TLDC2: variants seen among roughly 807,000 people sequenced by gnomAD.
TLDC2 encodes the protein TBC/LysM-associated domain containing 2.
TLDC2 carries 23 observed loss-of-function variants against 27.9 expected under a neutral mutation model. The ratio of observed to expected loss-of-function variants is 0.82; its 90% CI spans 0.59 to 1.17. The LOEUF (loss-of-function observed/expected upper bound fraction) is 1.17, where lower values mean the gene tolerates loss of function less well. Ranked by LOEUF, TLDC2 falls within the 50% of genes most tolerant of loss-of-function variation. TLDC2 has a pLI of 0.00. For synonymous variants in TLDC2, 124 were observed against 107.4 expected (o/e 1.16, Z -0.96); for missense variants, 286 against 273.4 (o/e 1.05, Z -0.32).
Position 36,880,707 on chromosome 20 carries a change from G to A in TLDC2, c.395G>A (p.Gly132Asp), listed in dbSNP as rs1989794836. Reference protein sequence around the residue: ...SAIRLSKGFYGTGETFLFSFS... With the variant: ...SAIRLSKGFYDTGETFLFSFS... ...ATCCGACTCAGCAAAGGCTTCTATGGTACTGGCGAGACATTCCTCTTCTCC... is the reference window on the plus strand; with the variant it reads ...ATCCGACTCAGCAAAGGCTTCTATGATACTGGCGAGACATTCCTCTTCTCC... The change falls in exon 4 of 7, where the codon GGT becomes GAT. Residue 132 changes from glycine to aspartate, a missense_variant. By Grantham distance (94) the Gly-to-Asp change is moderately conservative. Transcript: ENST00000217320. 1 of 1,614,208 alleles carries A rather than the reference G, an allele frequency of 6.2e-7. No individual in the cohort carries two copies. The highest frequency in any genetic ancestry group is 1.3e-5 in the African/African-American group (1 of 75,060).
At chr20:36,880,091 A>ATATGTGTGTG (rs1555828580) in intron 3 of TLDC2, among the ~76,000 whole-genome samples, 28 of 44,688 alleles carry the variant, frequency 6.3e-4, no homozygotes, top group South Asian at 2.1e-3. Context: ...ATATATATAT[A>ATATGTGTGTG]TATATATATA....
chr20:36,886,644 T>C (rs1158375828), intron 4 of TLDC2, among the ~76,000 whole-genome samples: 1 of 152,004 alleles, frequency 6.6e-6, no homozygotes, highest in Non-Finnish European at 1.5e-5. Context: ...TCTTACTATG[T>C]TGCCTTGGTT....
chr20:36,878,652 G>T (rs1183196726), intron 2 of TLDC2, among the ~76,000 whole-genome samples: 2 of 152,054 alleles, frequency 1.3e-5, no homozygotes, highest in Non-Finnish European at 2.9e-5. Context: ...AAGCTGGAGA[G>T]GGGTGGGCGG....
At chr20:36,876,780 C>T (rs1989678994) in intron 1 of TLDC2, among the ~76,000 whole-genome samples, 2 of 152,132 alleles carry the variant, frequency 1.3e-5, no homozygotes, top group South Asian at 2.1e-4. Context: ...CTCACACACA[C>T]ACTCTGGTAC....
chr20:36,884,875 C>CTT (rs11480944), intron 4 of TLDC2, among the ~76,000 whole-genome samples: 3,408 of 103,230 alleles, frequency 0.033, 434 homozygotes, highest in African/African-American at 0.039. Flanking sequence ...CACAGAAATT[C>CTT]TTTTTTTTTT....
intron 2 of TLDC2, among the ~76,000 whole-genome samples, chr20:36,878,266 G>T (rs865989182): frequency 6.6e-6 from 1 of 152,124 alleles, no homozygotes; most frequent in Non-Finnish European, 1.5e-5. Flanking sequence ...TCTACACTGG[G>T]CCAGGAGGTT....
chr20:36,893,134 AAAG>A lies in TLDC2; in HGVS notation c.*291_*293del. ...GTTTCCATCATCTTATTTCTGAGTG[AAAG>A]TCTCAAGTGCGCACATCCTCATCTT... On this transcript the variant is annotated 3_prime_UTR_variant, in exon 7 of 7. Coordinates refer to ENST00000217320, the MANE Select transcript of TLDC2 (RefSeq NM_080628.3). The A allele has an allele frequency of 6.3e-7, 1 of 1,589,096 alleles. No individual in the cohort carries two copies. The highest frequency in any genetic ancestry group is 8.6e-7 in the Non-Finnish European group (1 of 1,166,730).
intron 5 of TLDC2, 112 bp from the exon 6 acceptor site, chr20:36,889,139 A>C: frequency 6.8e-7 from 1 of 1,478,512 alleles, no homozygotes. Flanking sequence ...GCGATAAGAC[A>C]GGTGAAACTG....
Position 36,893,208 on chromosome 20 carries a change from A to G in TLDC2, c.*364A>G, listed in dbSNP as rs1990123385. ...TGTCCTCAATCCAGGGAAACTCCAA[A>G]TTACATATGCCCTGTGCTTGGGGCA... is the stretch of plus-strand genomic sequence containing the variant. On this transcript the variant is annotated 3_prime_UTR_variant, in exon 7 of 7. Coordinates refer to ENST00000217320, the MANE Select transcript of TLDC2 (RefSeq NM_080628.3). The G allele has an allele frequency of 2.0e-6, 2 of 1,001,354 alleles. No homozygotes were observed. The highest frequency in any genetic ancestry group is 3.0e-6 in the Non-Finnish European group (2 of 660,982). The allele number at this position is 1,001,354 out of a possible 1,614,324, so 62.0% of individuals were successfully genotyped here.
In TLDC2 at chr20:36,877,902, A is replaced by C. The variant is rs747804433; in HGVS notation, c.37A>C (p.Ser13Arg). The part of the protein sequence containing the change: ...GLRWRYTRLP[S>R]QVEDTLSGEE... ...AGGCCACTTTGTGTTTTTGCAGCCC[A>C]GCCAGGTGGAGGACACCCTGTCTGG... Residue 13 changes from serine (S) to arginine (R), a missense_variant, in exon 2 of 7, where the codon AGC (serine) becomes CGC (arginine). By Grantham distance (110) the Ser-to-Arg change is moderately radical. Transcript: ENST00000217320. 1.9e-6 allele frequency: 3 copies of C among 1,612,180 alleles called. No homozygotes were observed. The Admixed American group carries it at 5.0e-5, about 27-fold the overall frequency.
chr20:36,882,713 T>C (rs1049610585), intron 4 of TLDC2, among the ~76,000 whole-genome samples: 2 of 152,280 alleles, frequency 1.3e-5, no homozygotes, highest in African/African-American at 4.8e-5. Flanking sequence ...ATATACCATA[T>C]CTATTGCATT....
chr20:36,885,440 C>T (rs1032925716), intron 4 of TLDC2, among the ~76,000 whole-genome samples: 4 of 152,170 alleles, frequency 2.6e-5, no homozygotes, highest in African/African-American at 9.7e-5. Context: ...ACTTGTATTC[C>T]TCATGAATTC....
intron 4 of TLDC2, among the ~76,000 whole-genome samples, chr20:36,884,753 C>A (rs1241770346): frequency 7.2e-6 from 1 of 139,038 alleles, no homozygotes; most frequent in African/African-American, 2.7e-5. Context: ...CAGAGCAAGA[C>A]CCTGTCTCTA....
chr20:36,886,281 C>T (rs1160186805), intron 4 of TLDC2, among the ~76,000 whole-genome samples: 2 of 152,088 alleles, frequency 1.3e-5, no homozygotes, highest in African/African-American at 4.8e-5. Flanking sequence ...GTGCACACCA[C>T]TGTGACCAGC....
intron 1 of TLDC2, 68 bp from the exon 2 acceptor site, chr20:36,877,831 G>A: frequency 6.5e-7 from 1 of 1,542,382 alleles, no homozygotes; most frequent in South Asian, 1.2e-5. Context: ...AGGCTCTTGG[G>A]CTCAGGAGAT....
chr20:36,880,848 G>T (rs996389118), intron 4 of TLDC2, 98 bp downstream of exon 4: 23 of 1,073,766 alleles, frequency 2.1e-5, no homozygotes, highest in Non-Finnish European at 2.8e-5. Context: ...ACGATGGGCT[G>T]CCTGGTGTGC....
chr20:36,879,195 T>G lies in TLDC2; in HGVS notation c.342+2T>G. 6.2e-7 allele frequency: 1 copy of G among 1,611,428 alleles called. No individual in the cohort carries two copies. Among genetic ancestry groups the G allele is most frequent in the Non-Finnish European group, 8.5e-7 (1 of 1,179,240 alleles). ...GTGCTCAGGGACCAGGACGGGCAGG[T>G]GAGCTGGGCAGGGGCACCACCCGAG... On this transcript the variant is annotated splice_donor_variant, in intron 3 of 6. Transcript: ENST00000217320. LOFTEE classifies it high-confidence loss of function.
In TLDC2 at chr20:36,893,397, G is replaced by A; in HGVS notation, c.*553G>A. The A allele has an allele frequency of 2.5e-6, 1 of 407,708 alleles. No individual in the cohort carries two copies. The highest frequency in any genetic ancestry group is 4.5e-6 in the Non-Finnish European group (1 of 222,288). 25.3% of individuals were successfully genotyped at this position (407,708 alleles called of 1,614,324 possible). On this transcript the variant is annotated 3_prime_UTR_variant, in exon 7 of 7. Transcript: ENST00000217320. ...TCCTGTTTTCCCAGGAGAAAGACGG[G>A]ATGCACTGAACCCCTAGCTTCTCTC...
intron 5 of TLDC2, 76 bp downstream of exon 5, chr20:36,887,604 A>G: frequency 7.1e-7 from 1 of 1,416,252 alleles, no homozygotes; most frequent in Non-Finnish European, 1.0e-6. Context: ...CTGCTGGGCT[A>G]GGCTGCCCTT....
Sources: allele counts gnomAD v4.1 joint callset (sites outside exome capture counted in the v4.1 genomes callset), GRCh38; gene constraint gnomAD v4.1.1; transcripts MANE v1.5; gene names NCBI Gene and HGNC (gene_info 2026-07-23, HGNC 2026-07-21).